The following CLIP4 variants were observed in gnomAD, a reference collection of about 807,000 sequenced individuals.
CLIP4 encodes the protein CAP-Gly domain-containing linker protein 4.
In CLIP4, 47 loss-of-function variants were observed where a neutral mutation model predicts 73.1. The observed-to-expected ratio is 0.64, with a 90% CI of 0.51 to 0.82. The LOEUF is 0.82. Ranked by LOEUF, CLIP4 falls within the 40% of genes least tolerant of loss-of-function variation. CLIP4 has a pLI of 0.00. For synonymous variants in CLIP4, 306 were observed against 295.4 expected (o/e 1.04, Z -0.37); for missense variants, 874 against 852.9 (o/e 1.02, Z -0.31).
intron 1 of CLIP4, among the ~76,000 whole-genome samples, chr2:29,099,179 A>G (rs928389505): frequency 6.6e-6 from 1 of 152,314 alleles, no homozygotes; most frequent in African/African-American, 2.4e-5. Flanking sequence ...AGGATTTTTC[A>G]CAGAACAGAA....
At chr2:29,138,037 T>C (rs1400071674) in intron 6 of CLIP4, among the ~76,000 whole-genome samples, 3 of 152,222 alleles carry the variant, frequency 2.0e-5, no homozygotes, top group Non-Finnish European at 4.4e-5. Context: ...ATTTTTGTTT[T>C]TGTTGCCTTC....
chr2:29,144,881 T>G (rs1394981768), intron 7 of CLIP4, among the ~76,000 whole-genome samples: 1 of 148,202 alleles, frequency 6.7e-6, no homozygotes, highest in Non-Finnish European at 1.5e-5. Flanking sequence ...TAGGTCACTG[T>G]AGCCCCGAAC....
At chr2:29,161,729 T>A (rs1667304467) in intron 12 of CLIP4, among the ~76,000 whole-genome samples, 1 of 152,174 alleles carries the variant, frequency 6.6e-6, no homozygotes, top group Admixed American at 6.5e-5. Context: ...ACCCTAGAGC[T>A]TAGGGAATCT....
At chr2:29,124,603 A>AACTCACTGAT (rs1664477244) in intron 2 of CLIP4, among the ~76,000 whole-genome samples, 1 of 151,882 alleles carries the variant, frequency 6.6e-6, no homozygotes, top group African/African-American at 2.4e-5. Context: ...GTTGTCCCAT[A>AACTCACTGAT]ACTCACTGAT....
At chr2:29,132,351 A>G (rs1171511164) in intron 4 of CLIP4, 106 bp downstream of exon 4, 2 of 862,116 alleles carry the variant, frequency 2.3e-6, no homozygotes. Flanking sequence ...CCAGCTGATG[A>G]TGATAATATT....
intron 11 of CLIP4, 69 bp downstream of exon 11, chr2:29,157,416 C>T (rs778596404): frequency 6.2e-7 from 1 of 1,612,510 alleles, no homozygotes; most frequent in Non-Finnish European, 8.5e-7. Context: ...AGTAGATTTG[C>T]TCTTTTTAAA....
chr2:29,171,235 T>G (rs1667981007), intron 14 of CLIP4, among the ~76,000 whole-genome samples: 2 of 152,338 alleles, frequency 1.3e-5, no homozygotes, highest in East Asian at 3.9e-4. Context: ...AAACATGGAC[T>G]ATCTCTCCAT....
At chr2:29,129,367 A>C (rs1046116338) in intron 2 of CLIP4, among the ~76,000 whole-genome samples, 3 of 152,070 alleles carry the variant, frequency 2.0e-5, no homozygotes, top group Non-Finnish European at 2.9e-5. Flanking sequence ...TTTTTCTGAG[A>C]GTTTTCAGGA....
At chr2:29,132,543 T>A in intron 4 of CLIP4, 1 of 324,720 alleles carries the variant, frequency 3.1e-6, no homozygotes, top group Admixed American at 4.6e-5. Flanking sequence ...TAACAAGGTT[T>A]GACAGTCCAA....
intron 9 of CLIP4, among the ~76,000 whole-genome samples, chr2:29,154,966 A>G (rs1201176803): frequency 1.3e-5 from 2 of 152,236 alleles, no homozygotes; most frequent in African/African-American, 4.8e-5. Context: ...GACCTATTCC[A>G]GTGTCCATAC....
At chr2:29,156,777 G>A (rs1666952247) in intron 10 of CLIP4, among the ~76,000 whole-genome samples, 2 of 152,158 alleles carry the variant, frequency 1.3e-5, no homozygotes, top group Admixed American at 6.5e-5. Flanking sequence ...AATTGAGCAT[G>A]AGTATTCCTT....
intron 6 of CLIP4, among the ~76,000 whole-genome samples, chr2:29,141,734 C>A (rs1446528196): frequency 1.3e-5 from 2 of 152,096 alleles, no homozygotes; most frequent in Non-Finnish European, 2.9e-5. Context: ...TTGAAGACAG[C>A]AGAAGGACAA....
At chr2:29,114,656 G>A (rs888932188), upstream of CLIP4, among the ~76,000 whole-genome samples, 1 of 152,154 alleles carries the variant, frequency 6.6e-6, no homozygotes, top group Admixed American at 6.5e-5. Flanking sequence ...TCCGGGGTGC[G>A]GTGAGCGCTT....
intron 8 of CLIP4, among the ~76,000 whole-genome samples, chr2:29,152,338 AAC>A (rs1420892990): frequency 6.6e-6 from 1 of 152,220 alleles, no homozygotes; most frequent in East Asian, 1.9e-4. Context: ...ATTTATGGCA[AAC>A]AGTCTTCAAA....
At chr2:29,131,508 C>A (rs1664969200) in intron 3 of CLIP4, 111 bp downstream of exon 3, 1 of 1,156,636 alleles carries the variant, frequency 8.6e-7, no homozygotes, top group Admixed American at 2.7e-5. Context: ...TTTAAAAGTT[C>A]TGATATTTAT....
chr2:29,166,756 A>G (rs953643737), intron 13 of CLIP4, among the ~76,000 whole-genome samples: 4 of 152,196 alleles, frequency 2.6e-5, no homozygotes, highest in African/African-American at 4.8e-5. Flanking sequence ...AGTATGTTGT[A>G]TATCATGTAA....
At chr2:29,117,171 T>C (rs948102791) in intron 1 of CLIP4, among the ~76,000 whole-genome samples, 2 of 152,220 alleles carry the variant, frequency 1.3e-5, no homozygotes, top group Non-Finnish European at 2.9e-5. Flanking sequence ...TTTCCTTCAG[T>C]GCTGTTTAGA....
rs780366174 is a variant in CLIP4, at chr2:29,121,369, T to G, written c.-15-5T>G. 8 of 1,592,052 alleles carry G rather than the reference T, an allele frequency of 5.0e-6. No homozygotes were observed. Among genetic ancestry groups the G allele is most frequent in the Non-Finnish European group, 6.8e-6 (8 of 1,173,686 alleles). ...GAAACACTTTTTTTTTCTTTCTTAT[T>G]ATAGGTGGCTTTCTAGAAGATGACC... is the stretch of plus-strand genomic sequence containing the variant. On this transcript the variant is annotated splice_polypyrimidine_tract_variant and splice_region_variant and intron_variant, in intron 1 of 15. Coordinates refer to ENST00000320081, the MANE Select transcript of CLIP4 (RefSeq NM_024692.6).
chr2:29,130,147 G>T (rs1457839874), intron 2 of CLIP4: 3 of 454,116 alleles, frequency 6.6e-6, no homozygotes. Context: ...CCATGGCTGG[G>T]TGAGAGAGCA....
Sources: gnomAD v4.1 joint callset for allele counts (sites outside exome capture counted in the v4.1 genomes callset) on GRCh38, gnomAD v4.1.1 for gene constraint, MANE v1.5 for transcripts, NCBI Gene and HGNC (gene_info 2026-07-23, HGNC 2026-07-21) for gene names.